Variants in CTTN observed in about 807,000 individuals in gnomAD.
CTTN encodes the protein src substrate cortactin.
A neutral mutation model predicts 84.0 loss-of-function variants in CTTN; 28 were observed. That is an observed-to-expected ratio of 0.33 (90% CI 0.25 to 0.46). The LOEUF (loss-of-function observed/expected upper bound fraction) is 0.46, where lower values mean the gene tolerates loss of function less well. CTTN is among the 20% of genes least tolerant of loss of function. CTTN has a pLI of 1.00. For synonymous variants in CTTN, 301 were observed against 288.8 expected (o/e 1.04, Z -0.43); for missense variants, 641 against 723.8 (o/e 0.89, Z 1.31).
At position 70,420,496 on chromosome 11, in the gene CTTN, A is replaced by T. The variant is rs1360929331; in HGVS notation, c.776A>T (p.His259Leu). The T allele has an allele frequency of 6.2e-7, 1 of 1,613,666 alleles. No individual in the cohort carries two copies. Residue 259 changes from histidine (H) to leucine (L), a missense_variant, in exon 10 of 18, where the codon CAT (histidine) becomes CTT (leucine). Physicochemically the swap from His to Leu is moderately conservative, Grantham distance 99. Coordinates refer to ENST00000301843, the MANE Select transcript of CTTN (RefSeq NM_005231.4). ...GWDHQEKLQL[H>L]ESQKDYKTGF... is the part of the protein sequence containing the mutation. ...GATCACCAGGAGAAATTGCAGCTGC[A>T]TGAATCCCAAAAAGGTACATTCACT...
chr11:70,415,640 T>G lies in CTTN; in HGVS notation c.403-23T>G, dbSNP rs372656980. On this transcript the variant is annotated intron_variant, in intron 6 of 17. Coordinates refer to ENST00000301843, the MANE Select transcript of CTTN (RefSeq NM_005231.4). Reference sequence around the variant, plus strand: ...TTGGAAAGTATTTCTCCCCACTTTTTCATGTGTTTTTGGTCGTCACAGTCT... The same window carrying G: ...TTGGAAAGTATTTCTCCCCACTTTTGCATGTGTTTTTGGTCGTCACAGTCT... 11 of 1,607,252 alleles carry G rather than the reference T, an allele frequency of 6.8e-6. No individual in the cohort carries two copies. In the African/African-American group the frequency reaches 1.5e-4, roughly 21 times the overall value.
intron 1 of CTTN, among the ~76,000 whole-genome samples, chr11:70,399,891 C>T (rs2057955893): frequency 6.6e-6 from 1 of 152,170 alleles, no homozygotes; most frequent in Non-Finnish European, 1.5e-5. Context: ...CATGATCCAG[C>T]CCTCAAGCCC....
In CTTN at chr11:70,435,408, G is replaced by C; in HGVS notation, c.*246G>C. 6.7e-7 allele frequency: 1 copy of C among 1,503,166 alleles called. No homozygotes were observed. Among genetic ancestry groups the C allele is most frequent in the Admixed American group, 2.5e-5 (1 of 39,944 alleles). The allele number at this position is 1,503,166 out of a possible 1,614,324, so 93.1% of individuals were successfully genotyped here. A position where few individuals can be genotyped will look rare whatever the true frequency, so the allele number is the denominator to read the frequency against. On this transcript the variant is annotated 3_prime_UTR_variant, in exon 18 of 18. Coordinates refer to ENST00000301843, the MANE Select transcript of CTTN (RefSeq NM_005231.4). ...TTCCTTAGGAGGACTTTGGTAATTG[G>C]TTTTATGCATTGATGGTTTTTTTTT...
At chr11:70,420,759 A>C (rs1390267893) in intron 10 of CTTN, among the ~76,000 whole-genome samples, 1 of 151,982 alleles carries the variant, frequency 6.6e-6, no homozygotes, top group Admixed American at 6.6e-5. Flanking sequence ...GCACGGGCCA[A>C]GCCTGCAGCA....
chr11:70,426,794 G>T (rs2058305830), intron 13 of CTTN, among the ~76,000 whole-genome samples: 1 of 151,734 alleles, frequency 6.6e-6, no homozygotes, highest in Non-Finnish European at 1.5e-5. Context: ...TAGAGACGGG[G>T]TTTCACCGTG....
In CTTN at chr11:70,435,731, G is replaced by A; in HGVS notation, c.*569G>A. 1 of 1,597,870 alleles carries A rather than the reference G, an allele frequency of 6.3e-7. No individual in the cohort carries two copies. The highest frequency in any genetic ancestry group is 1.1e-5 in the South Asian group (1 of 90,906). On this transcript the variant is annotated 3_prime_UTR_variant, in exon 18 of 18. Transcript: ENST00000301843. ...AATCTGCCTATGTCATACCGTGACA[G>A]CCCGCAGGATCAGGTGACTTCTAGC...
intron 13 of CTTN, among the ~76,000 whole-genome samples, chr11:70,426,947 G>A (rs1357007213): frequency 6.6e-6 from 1 of 151,730 alleles, no homozygotes; most frequent in East Asian, 2.0e-4. Context: ...TGTTGCCCAG[G>A]CTGGTCTTGA....
intron 15 of CTTN, 88 bp from the exon 16 acceptor site, chr11:70,433,012 CG>C: frequency 7.3e-7 from 1 of 1,361,464 alleles, no homozygotes; most frequent in Non-Finnish European, 1.0e-6. Context: ...TTAGATGGCC[CG>C]TGGGTTTCTG....
chr11:70,411,384 G>A (rs1213799590), intron 5 of CTTN, among the ~76,000 whole-genome samples: 3 of 133,138 alleles, frequency 2.3e-5, no homozygotes. Context: ...CGAGCGAAGC[G>A]TGTGCACACG....
rs2058168181 is a variant in CTTN at position 70,416,878 on chromosome 11, C to T, written c.458-135C>T. 4.3e-6 allele frequency: 3 copies of T among 695,112 alleles called. No homozygotes were observed. The African/African-American group carries it at 5.2e-5, about 12-fold the overall frequency. The allele number at this position is 695,112 out of a possible 1,614,324, so 43.1% of individuals were successfully genotyped here. A position where few individuals can be genotyped will look rare whatever the true frequency, so the allele number is the denominator to read the frequency against. ...GTCACCTGTATGGAGCAGTGGGTGG[C>T]TTGTTGTACATTTTAAAATGTGCGC... On this transcript the variant is annotated intron_variant, in intron 7 of 17. Transcript: ENST00000301843.
At chr11:70,402,619 G>A (rs994566725) in intron 1 of CTTN, among the ~76,000 whole-genome samples, 3 of 152,158 alleles carry the variant, frequency 2.0e-5, no homozygotes, top group Non-Finnish European at 2.9e-5. Context: ...TTTCCTTTGC[G>A]CAATGGATTT....
chr11:70,398,595 C>G lies in CTTN; in HGVS notation c.-117C>G, dbSNP rs1042872320. ...GGCGGAATCCAGGGCCGACCCGGGC[C>G]GGACCGACCCCAGGCGGCGGTGAGC... On this transcript the variant is annotated 5_prime_UTR_variant, in exon 1 of 18. Transcript: ENST00000301843. 29 of 152,164 alleles carry G rather than the reference C, an allele frequency of 1.9e-4. No homozygotes were observed. Among genetic ancestry groups the G allele is most frequent in the African/African-American group, 6.8e-4 (28 of 41,444 alleles). The allele number at this position is 152,164 out of a possible 1,614,324, so 9.4% of individuals were successfully genotyped here.
At chr11:70,433,447 G>T (rs2058378405) in intron 16 of CTTN, among the ~76,000 whole-genome samples, 169 bp downstream of exon 16, 1 of 152,144 alleles carries the variant, frequency 6.6e-6, no homozygotes, top group African/African-American at 2.4e-5. Context: ...GGCACATTTG[G>T]GGCATCGGCT....
At chr11:70,412,240 A>C (rs571645772) in intron 5 of CTTN, among the ~76,000 whole-genome samples, 6 of 152,292 alleles carry the variant, frequency 3.9e-5, no homozygotes, top group African/African-American at 1.4e-4. Flanking sequence ...CAGCCTGGGC[A>C]ACATAGCAAG....
intron 1 of CTTN, among the ~76,000 whole-genome samples, chr11:70,404,690 TTC>T (rs1281828049): frequency 2.0e-5 from 3 of 152,206 alleles, no homozygotes; most frequent in Non-Finnish European, 2.9e-5. Flanking sequence ...AGGCAATAAT[TTC>T]TGTTTGCATT....
intron 2 of CTTN, among the ~76,000 whole-genome samples, chr11:70,406,800 T>C (rs2058044957): frequency 6.6e-6 from 1 of 152,270 alleles, no homozygotes; most frequent in Admixed American, 6.5e-5. Flanking sequence ...GGAAAATTAT[T>C]GTTATGGTTT....
chr11:70,416,807 A>G (rs942383786), intron 7 of CTTN: 25 of 539,490 alleles, frequency 4.6e-5, no homozygotes, highest in African/African-American at 4.4e-4. Context: ...AACAGCTGAC[A>G]GGGCCCAGAA....
At chr11:70,429,826 AG>A (rs1555143253) in intron 14 of CTTN, among the ~76,000 whole-genome samples, 1 of 152,066 alleles carries the variant, frequency 6.6e-6, no homozygotes, top group Admixed American at 6.5e-5. Context: ...CAGCTGGATC[AG>A]GGGGGTTGTG....
chr11:70,429,026 C>T, intron 13 of CTTN, 25 bp from the exon 14 acceptor site: 1 of 1,613,596 alleles, frequency 6.2e-7, no homozygotes, highest in African/African-American at 1.3e-5. Flanking sequence ...GCTCAAGGCA[C>T]ACGTCCTCCC....
Sources: gnomAD v4.1 joint callset for allele counts (sites outside exome capture counted in the v4.1 genomes callset) on GRCh38, gnomAD v4.1.1 for gene constraint, MANE v1.5 for transcripts, NCBI Gene and HGNC (gene_info 2026-07-23, HGNC 2026-07-21) for gene names.